Variants in FBXL13 observed in about 807,000 individuals in gnomAD.
FBXL13 encodes F-box and leucine rich repeat protein 13.
Under a neutral mutation model 83.6 loss-of-function variants are expected in FBXL13, and 67 were observed. The ratio of observed to expected loss-of-function variants is 0.80; its 90% CI spans 0.66 to 0.98. FBXL13 has a LOEUF of 0.98. Ranked by LOEUF, FBXL13 falls within the 50% of genes least tolerant of loss-of-function variation. The probability of loss-of-function intolerance (pLI) is 0.00; values close to 1 mark genes in which losing one functional copy is unlikely to be tolerated. For missense variants in FBXL13, 822 were observed against 866.5 expected (o/e 0.95, Z 0.64); for synonymous variants, 272 against 299.5 (o/e 0.91, Z 0.95).
At chr7:102,912,340 A>G (rs1167177128) in intron 11 of FBXL13, among the ~76,000 whole-genome samples, 6 of 152,242 alleles carry the variant, frequency 3.9e-5, no homozygotes, top group African/African-American at 1.4e-4. Flanking sequence ...TTATTCTCAT[A>G]GAATAATGAA....
chr7:102,876,605 C>T (rs753237954), intron 16 of FBXL13, among the ~76,000 whole-genome samples: 5 of 151,980 alleles, frequency 3.3e-5, no homozygotes, highest in African/African-American at 4.8e-5. Context: ...GAAATAGAAA[C>T]GGTTCATGTT....
intron 10 of FBXL13, among the ~76,000 whole-genome samples, chr7:102,916,977 T>G (rs992762730): frequency 1.3e-5 from 2 of 152,120 alleles, no homozygotes; most frequent in Non-Finnish European, 2.9e-5. Flanking sequence ...AAGGACTTAC[T>G]ACTAAGATGA....
At chr7:103,003,097 T>G (rs1421159786) in intron 6 of FBXL13, among the ~76,000 whole-genome samples, 1 of 151,978 alleles carries the variant, frequency 6.6e-6, no homozygotes, top group African/African-American at 2.4e-5. Flanking sequence ...TTTCTTTCTT[T>G]AATTCTTTCT....
intron 9 of FBXL13, among the ~76,000 whole-genome samples, chr7:102,928,722 T>TTAAAA (rs1818595236): frequency 1.3e-5 from 2 of 152,302 alleles, no homozygotes; most frequent in Admixed American, 1.3e-4. Flanking sequence ...CAGAACACAT[T>TTAAAA]TAACATAGTA....
intron 10 of FBXL13, among the ~76,000 whole-genome samples, chr7:102,918,007 C>A (rs1313224104): frequency 6.6e-6 from 1 of 152,132 alleles, no homozygotes; most frequent in African/African-American, 2.4e-5. Context: ...GCTGGCAAAT[C>A]ATTGTTGCCA....
intron 16 of FBXL13, among the ~76,000 whole-genome samples, chr7:102,860,963 CAT>C (rs1806726206): frequency 6.6e-6 from 1 of 150,758 alleles, no homozygotes; most frequent in Non-Finnish European, 1.5e-5. Flanking sequence ...TATACATATG[CAT>C]AGTTTATATA....
chr7:103,024,826 T>A, intron 6 of FBXL13, among the ~76,000 whole-genome samples: 1 of 137,646 alleles, frequency 7.3e-6, no homozygotes, highest in African/African-American at 2.7e-5. Context: ...TATATGTATA[T>A]ATATGTGTAT....
At chr7:103,021,891 A>T (rs1393639305) in intron 6 of FBXL13, among the ~76,000 whole-genome samples, 5 of 152,220 alleles carry the variant, frequency 3.3e-5, no homozygotes, top group African/African-American at 1.2e-4. Flanking sequence ...GGGACTGTAA[A>T]CTAGTACAAC....
At chr7:103,063,574 C>T (rs1798120851) in intron 1 of FBXL13, among the ~76,000 whole-genome samples, 1 of 152,136 alleles carries the variant, frequency 6.6e-6, no homozygotes, top group Non-Finnish European at 1.5e-5. Context: ...CACAATGGCT[C>T]TTCCTCCCAC....
intron 8 of FBXL13, among the ~76,000 whole-genome samples, chr7:102,939,192 G>A (rs1585043901): frequency 1.3e-5 from 2 of 152,302 alleles, no homozygotes; most frequent in Non-Finnish European, 2.9e-5. Context: ...GCTTTATAGG[G>A]CCTTAGTGAG....
intron 10 of FBXL13, among the ~76,000 whole-genome samples, chr7:102,918,147 T>C (rs530721722): frequency 6.6e-6 from 1 of 152,196 alleles, no homozygotes; most frequent in Non-Finnish European, 1.5e-5. Context: ...GAGAACATTT[T>C]TGCATACCCA....
At chr7:102,963,007 A>ATAT (rs1491576594) in intron 8 of FBXL13, among the ~76,000 whole-genome samples, 11 of 122,324 alleles carry the variant, frequency 9.0e-5, no homozygotes, top group African/African-American at 3.6e-4. Context: ...ATATATATAT[A>ATAT]AAAAAAAAAA....
At chr7:102,908,840 C>A (rs1361312981) in intron 11 of FBXL13, among the ~76,000 whole-genome samples, 1 of 152,260 alleles carries the variant, frequency 6.6e-6, no homozygotes, top group African/African-American at 2.4e-5. Flanking sequence ...TGCACTGGGT[C>A]AGACCTGTAG....
chr7:102,859,999 G>C (rs11982616), intron 16 of FBXL13, among the ~76,000 whole-genome samples: 28,954 of 151,974 alleles, frequency 0.19, 2,992 homozygotes, highest in East Asian at 0.42. Flanking sequence ...GAATCTTAGG[G>C]GCCCAGGAGT....
At chr7:102,982,083 C>T (rs913765800) in intron 6 of FBXL13, among the ~76,000 whole-genome samples, 7 of 152,064 alleles carry the variant, frequency 4.6e-5, no homozygotes, top group African/African-American at 1.5e-4. Flanking sequence ...GTAGCAGTCC[C>T]ACTTCTCCTT....
At chr7:102,905,007 T>G (rs1191975343) in intron 11 of FBXL13, among the ~76,000 whole-genome samples, 2 of 152,200 alleles carry the variant, frequency 1.3e-5, no homozygotes, top group Admixed American at 6.5e-5. Flanking sequence ...TTTGAATGTT[T>G]TAAGATTTGT....
intron 2 of FBXL13, among the ~76,000 whole-genome samples, chr7:103,034,288 C>T (rs10230292): frequency 0.036 from 5,475 of 152,204 alleles, 302 homozygotes; most frequent in African/African-American, 0.13. Context: ...CACCGTGGAG[C>T]GGGGGGCGGC....
downstream of FBXL13, among the ~76,000 whole-genome samples, chr7:102,812,306 AC>A (rs553979554): frequency 1.8e-4 from 27 of 152,308 alleles, no homozygotes; most frequent in East Asian, 3.9e-3. Context: ...GCAATTAATA[AC>A]CCATACTTCC....
intron 11 of FBXL13, among the ~76,000 whole-genome samples, chr7:102,899,516 A>T (rs1269063523): frequency 6.6e-6 from 1 of 152,210 alleles, no homozygotes; most frequent in Non-Finnish European, 1.5e-5. Flanking sequence ...TATACGCTCC[A>T]GGCCCTGCAA....
Sources: allele counts gnomAD v4.1 joint callset (sites outside exome capture counted in the v4.1 genomes callset), GRCh38; gene constraint gnomAD v4.1.1; transcripts MANE v1.5; gene names NCBI Gene and HGNC (gene_info 2026-07-23, HGNC 2026-07-21).